SERPINB8: variants seen among roughly 807,000 people sequenced by gnomAD.
SERPINB8 encodes the protein serpin family B member 8, also known as serpin B8.
Under a neutral mutation model 35.3 loss-of-function variants are expected in SERPINB8, and 25 were observed. The observed-to-expected ratio is 0.71, with a 90% CI of 0.52 to 0.99. The LOEUF is 0.99. Ranked by LOEUF, SERPINB8 falls within the 50% of genes least tolerant of loss-of-function variation. The pLI is 0.00. For synonymous variants in SERPINB8, 186 were observed against 160.8 expected, an observed-to-expected ratio of 1.16 and a Z score of -1.19; for missense variants, 484 against 446.5, an observed-to-expected ratio of 1.08 and a Z score of -0.76.
intron 1 of SERPINB8, among the ~76,000 whole-genome samples, chr18:63,975,633 AT>A (rs148560039): frequency 0.058 from 8,861 of 152,208 alleles, 372 homozygotes; most frequent in Non-Finnish European, 0.091. Flanking sequence ...ACTAACATTT[AT>A]TTTAAACTTT....
chr18:63,979,569 G>A (rs559788601), intron 2 of SERPINB8, among the ~76,000 whole-genome samples: 1 of 152,286 alleles, frequency 6.6e-6, no homozygotes, highest in East Asian at 1.9e-4. Context: ...GTGGATGGAA[G>A]CCAGAAGTGC....
At chr18:64,005,229 A>C (rs2050894177) in exon 2 of SERPINB8, 1 of 180,774 alleles carries the variant, frequency 5.5e-6, no homozygotes, top group East Asian at 1.4e-4. Context: ...ATGTAGAACA[A>C]CTGGAATTCT....
At chr18:63,997,955 T>A (rs2050857838) in intron 1 of SERPINB8, among the ~76,000 whole-genome samples, 1 of 152,178 alleles carries the variant, frequency 6.6e-6, no homozygotes, top group African/African-American at 2.4e-5. Flanking sequence ...ATAACAGATA[T>A]TCAACTCATT....
rs367880476 is a variant in SERPINB8 at position 63,982,477 on chromosome 18, C to T, written c.424+639C>T. ...ATCCTAAATACCTAACAAGTAATTTCGATACTTGTAAACGGTGGAGGAATT... is the reference window on the plus strand; with the variant it reads ...ATCCTAAATACCTAACAAGTAATTTTGATACTTGTAAACGGTGGAGGAATT... On this transcript the variant is annotated intron_variant, in intron 4 of 6. Transcript: ENST00000397985. Among the ~76,000 whole-genome samples, 57 of 152,212 alleles carry T rather than the reference C, an allele frequency of 3.7e-4. No homozygotes were observed. In the East Asian group the frequency reaches 6.6e-3, roughly 18 times the overall value.
At chr18:63,976,137 G>A (rs2050578350) in intron 1 of SERPINB8, among the ~76,000 whole-genome samples, 1 of 151,964 alleles carries the variant, frequency 6.6e-6, no homozygotes, top group Admixed American at 6.5e-5. Context: ...AATTATACAT[G>A]TTTATGAAAA....
intron 1 of SERPINB8, among the ~76,000 whole-genome samples, chr18:64,001,304 A>T (rs1272918429): frequency 1.3e-5 from 2 of 152,188 alleles, no homozygotes; most frequent in Non-Finnish European, 2.9e-5. Flanking sequence ...CGAGTCTGTG[A>T]ATATACTAAA....
chr18:64,013,235 AT>A (rs1481503543), intron 7 of SERPINB8, among the ~76,000 whole-genome samples: 3 of 151,048 alleles, frequency 2.0e-5, no homozygotes, highest in Admixed American at 2.0e-4. Flanking sequence ...GAGAATTCTG[AT>A]TCCCCCCAGT....
intron 4 of SERPINB8, 109 bp downstream of exon 4, chr18:63,981,947 C>CAGCAA: frequency 1.4e-6 from 1 of 707,774 alleles, no homozygotes; most frequent in Non-Finnish European, 2.4e-6. Context: ...TACCACAGGC[C>CAGCAA]TGTTTGTATG....
chr18:63,978,075 C>T (rs1421779067), intron 1 of SERPINB8, among the ~76,000 whole-genome samples: 2 of 152,164 alleles, frequency 1.3e-5, no homozygotes, highest in African/African-American at 2.4e-5. Flanking sequence ...TGGGATAACT[C>T]AGGATAATCT....
intron 1 of SERPINB8, among the ~76,000 whole-genome samples, chr18:63,971,108 C>G (rs1192164094): frequency 6.6e-6 from 1 of 152,130 alleles, no homozygotes; most frequent in African/African-American, 2.4e-5. Context: ...GGGGCAGACT[C>G]GTCTCCCCAG....
In SERPINB8 at chr18:63,995,122, G is replaced by A. The variant is rs548006103; in HGVS notation, c.71-9697G>A. 3.9e-5 allele frequency among the ~76,000 whole-genome samples: 6 copies of A among 152,298 alleles called. No homozygotes were observed. The South Asian group carries it at 8.3e-4, about 21-fold the overall frequency. ...ATGGGGGGCCCAGCAGGCAGCTCAC[G>A]AGGGTTTGCATGGTGATAGCCCCTA... is the stretch of plus-strand genomic sequence containing the variant. On this transcript the variant is annotated intron_variant, in intron 1 of 1. Transcript: ENST00000493661.
At chr18:64,015,938 A>G (rs1325350095) in intron 7 of SERPINB8, among the ~76,000 whole-genome samples, 1 of 152,224 alleles carries the variant, frequency 6.6e-6, no homozygotes, top group African/African-American at 2.4e-5. Context: ...GTGACATTCA[A>G]TTAGAGAACC....
downstream of SERPINB8, among the ~76,000 whole-genome samples, chr18:63,993,760 TG>T (rs1261671787): frequency 6.6e-6 from 1 of 151,630 alleles, no homozygotes; most frequent in Admixed American, 6.6e-5. Flanking sequence ...ATGGGGGAGG[TG>T]GGGGGAAGCT....
At chr18:63,976,452 T>G (rs897392626) in intron 1 of SERPINB8, among the ~76,000 whole-genome samples, 1 of 152,218 alleles carries the variant, frequency 6.6e-6, no homozygotes, top group Non-Finnish European at 1.5e-5. Flanking sequence ...CAGAACTGGT[T>G]GATAGGGATG....
At chr18:63,989,503 T>C (rs2050808863), downstream of SERPINB8, 1 of 152,218 alleles carries the variant, frequency 6.6e-6, no homozygotes, top group African/African-American at 2.4e-5. Context: ...AAAGTGGTTG[T>C]ATCATTTAAC....
chr18:64,014,526 G>A (rs1254949771), intron 7 of SERPINB8, among the ~76,000 whole-genome samples: 1 of 152,152 alleles, frequency 6.6e-6, no homozygotes, highest in Non-Finnish European at 1.5e-5. Context: ...AAGAGAGAGT[G>A]TGGGCTGAGC....
At chr18:64,017,755 A>C (rs1361845186) in intron 7 of SERPINB8, among the ~76,000 whole-genome samples, 1 of 152,218 alleles carries the variant, frequency 6.6e-6, no homozygotes, top group Non-Finnish European at 1.5e-5. Flanking sequence ...GCCTCTGCAG[A>C]GTGCTGAATC....
intron 1 of SERPINB8, among the ~76,000 whole-genome samples, chr18:63,999,648 G>A (rs1043962959): frequency 6.6e-6 from 1 of 152,146 alleles, no homozygotes; most frequent in Admixed American, 6.5e-5. Flanking sequence ...CCAACCCGAT[G>A]TATACCTTTA....
intron 7 of SERPINB8, among the ~76,000 whole-genome samples, chr18:64,012,208 C>T (rs2144850497): frequency 6.6e-6 from 1 of 152,142 alleles, no homozygotes; most frequent in East Asian, 1.9e-4. Flanking sequence ...TTTAAAATAA[C>T]AATTCAAGTG....
Sources: allele counts gnomAD v4.1 joint callset (sites outside exome capture counted in the v4.1 genomes callset), GRCh38; gene constraint gnomAD v4.1.1; transcripts MANE v1.5; gene names NCBI Gene and HGNC (gene_info 2026-07-23, HGNC 2026-07-21).